Variants in MYO5B observed in about 807,000 individuals in gnomAD.
MYO5B encodes myosin VB.
Under a neutral mutation model 229.3 loss-of-function variants are expected in MYO5B, and 143 were observed. That is an observed-to-expected ratio of 0.62 (90% CI 0.54 to 0.72). MYO5B has a LOEUF of 0.72. Among genes scored for constraint, MYO5B ranks in the 30% least tolerant of loss-of-function variants. The pLI is 0.00. For missense variants in MYO5B, 2,321 were observed against 2,331.0 expected, an observed-to-expected ratio of 1.00 and a Z score of 0.09; for synonymous variants, 918 against 885.2, an observed-to-expected ratio of 1.04 and a Z score of -0.66.
chr18:49,873,703 T>A (rs1390104252), intron 26 of MYO5B, among the ~76,000 whole-genome samples: 1 of 152,194 alleles, frequency 6.6e-6, no homozygotes, highest in African/African-American at 2.4e-5. Flanking sequence ...GGTCACCTAC[T>A]CAGACTCAAG....
At chr18:50,015,712 C>T (rs188090770) in intron 4 of MYO5B, among the ~76,000 whole-genome samples, 15 of 152,332 alleles carry the variant, frequency 9.8e-5, no homozygotes, top group Non-Finnish European at 2.2e-4. Flanking sequence ...CCCAATACAG[C>T]TTCCAAGGCC....
At chr18:49,921,156 G>A (rs1818022541) in intron 17 of MYO5B, among the ~76,000 whole-genome samples, 1 of 152,078 alleles carries the variant, frequency 6.6e-6, no homozygotes, top group African/African-American at 2.4e-5. Flanking sequence ...ACAGGACTGG[G>A]GAGAAGAAAG....
intron 3 of MYO5B, among the ~76,000 whole-genome samples, chr18:50,037,557 G>C (rs1295894278): frequency 6.6e-6 from 1 of 152,164 alleles, no homozygotes; most frequent in African/African-American, 2.4e-5. Context: ...ATAAAATGGA[G>C]ATAACAACTG....
chr18:50,051,252 G>A (rs1265036568), intron 2 of MYO5B, among the ~76,000 whole-genome samples: 2 of 152,112 alleles, frequency 1.3e-5, no homozygotes, highest in African/African-American at 4.8e-5. Flanking sequence ...CCCTCCAAAT[G>A]TCAGGGTGGG....
At chr18:49,959,044 C>T (rs1199184154) in intron 12 of MYO5B, among the ~76,000 whole-genome samples, 2 of 152,320 alleles carry the variant, frequency 1.3e-5, no homozygotes, top group African/African-American at 4.8e-5. Flanking sequence ...ATGGTCCCTA[C>T]TTTCCAACCT....
chr18:49,954,177 G>T (rs2025465297), intron 13 of MYO5B, 136 bp downstream of exon 13: 3 of 1,322,694 alleles, frequency 2.3e-6, no homozygotes, highest in Admixed American at 3.6e-5. Flanking sequence ...GGTAAAAGAG[G>T]ATGGAAGGGG....
intron 1 of MYO5B, among the ~76,000 whole-genome samples, chr18:50,095,313 C>T (rs925390431): frequency 1.3e-5 from 2 of 152,210 alleles, no homozygotes; most frequent in African/African-American, 4.8e-5. Context: ...TAATTCCACC[C>T]ATGAAATAGA....
chr18:49,878,026 A>G (rs950496451), intron 24 of MYO5B, 144 bp from the exon 25 acceptor site: 1 of 1,025,514 alleles, frequency 9.8e-7, no homozygotes, highest in African/African-American at 1.6e-5. Context: ...TGATGGCTAA[A>G]TAAAGCTAGC....
intron 22 of MYO5B, among the ~76,000 whole-genome samples, chr18:49,892,054 G>A (rs913580106): frequency 1.3e-5 from 2 of 152,132 alleles, no homozygotes; most frequent in Non-Finnish European, 2.9e-5. Flanking sequence ...TCTGAATAAT[G>A]AGCTGTCACC....
chr18:49,921,701 T>G (rs927919974), intron 17 of MYO5B, among the ~76,000 whole-genome samples: 1 of 152,042 alleles, frequency 6.6e-6, no homozygotes, highest in Non-Finnish European at 1.5e-5. Flanking sequence ...TTTTATTAAT[T>G]TGGGGAAGGG....
Position 49,906,633 on chromosome 18 carries a change from T to G in MYO5B, c.2203-3A>C. The G allele has an allele frequency of 6.2e-7, 1 of 1,612,942 alleles. No homozygotes were observed. Among genetic ancestry groups the G allele is most frequent in the Non-Finnish European group, 8.5e-7 (1 of 1,179,186 alleles). ...CCAAACTGGAACTTGTCGGGGTCCTTTACAAGGTAGGGAGGGGATCTGGTT... is the reference window on the plus strand; with the variant it reads ...CCAAACTGGAACTTGTCGGGGTCCTGTACAAGGTAGGGAGGGGATCTGGTT... On this transcript the variant is annotated splice_polypyrimidine_tract_variant and splice_region_variant and intron_variant, in intron 18 of 39. Transcript: ENST00000285039.
chr18:50,078,864 G>C (rs2031149576), intron 1 of MYO5B, among the ~76,000 whole-genome samples: 3 of 152,166 alleles, frequency 2.0e-5, no homozygotes, highest in Admixed American at 2.0e-4. Context: ...CAGTAGGATG[G>C]ACAAATACAT....
intron 22 of MYO5B, 33 bp from the exon 23 acceptor site, chr18:49,880,488 T>A: frequency 4.5e-6 from 7 of 1,555,508 alleles, no homozygotes; most frequent in Non-Finnish European, 5.3e-6. Flanking sequence ...AAATGTCTCA[T>A]GATGCTGGGA....
chr18:49,907,018 CAAAGACCT>C (rs777683361), intron 18 of MYO5B, among the ~76,000 whole-genome samples: 1 of 152,118 alleles, frequency 6.6e-6, no homozygotes, highest in Non-Finnish European at 1.5e-5. Context: ...GACAGCTGAG[CAAAGACCT>C]AAATGAGCTG....
intron 27 of MYO5B, 140 bp from the exon 28 acceptor site, chr18:49,864,520 G>T: frequency 8.1e-7 from 1 of 1,229,286 alleles, no homozygotes; most frequent in Non-Finnish European, 1.1e-6. Context: ...AGTTCTGACT[G>T]CCATCAGCAA....
chr18:49,953,454 G>T lies in MYO5B; in HGVS notation c.1669-111C>A, dbSNP rs1568045175. On this transcript the variant is annotated intron_variant, in intron 13 of 39. Coordinates refer to ENST00000285039, the MANE Select transcript of MYO5B (RefSeq NM_001080467.3). ...TCTGAAAAGAGCTGTGAGTAGATAG[G>T]AAACCCACAGATGTTTCCACTTAAA... 1.7e-5 allele frequency: 15 copies of T among 873,720 alleles called. No homozygotes were observed. The South Asian group carries it at 2.1e-4, about 12-fold the overall frequency. 54.1% of individuals were successfully genotyped at this position (873,720 alleles called of 1,614,324 possible). A position where few individuals can be genotyped will look rare whatever the true frequency, so the allele number is the denominator to read the frequency against.
At chr18:49,856,513 G>A (rs534906692) in intron 30 of MYO5B, among the ~76,000 whole-genome samples, 3 of 152,344 alleles carry the variant, frequency 2.0e-5, no homozygotes, top group South Asian at 4.1e-4. Flanking sequence ...CTAAAGAGCT[G>A]TGTGCCTGCC....
intron 4 of MYO5B, among the ~76,000 whole-genome samples, chr18:50,011,234 C>T (rs548834829): frequency 1.3e-5 from 2 of 152,028 alleles, no homozygotes; most frequent in Non-Finnish European, 2.9e-5. Flanking sequence ...CCCAGCTACT[C>T]GGGAGGCTGA....
intron 27 of MYO5B, among the ~76,000 whole-genome samples, chr18:49,870,423 T>C (rs1460276567): frequency 6.6e-6 from 1 of 152,186 alleles, no homozygotes; most frequent in Non-Finnish European, 1.5e-5. Context: ...GGCAACAATA[T>C]AGACAAATTG....
Sources: allele counts gnomAD v4.1 joint callset (sites outside exome capture counted in the v4.1 genomes callset), GRCh38; gene constraint gnomAD v4.1.1; transcripts MANE v1.5; gene names NCBI Gene and HGNC (gene_info 2026-07-23, HGNC 2026-07-21).